The following TXNRD1 variants were observed in gnomAD, a reference collection of about 807,000 sequenced individuals.
TXNRD1 encodes thioredoxin reductase 1, cytoplasmic.
A neutral mutation model predicts 80.3 loss-of-function variants in TXNRD1; 57 were observed. That is an observed-to-expected ratio of 0.71 (90% CI 0.57 to 0.89). The LOEUF (loss-of-function observed/expected upper bound fraction) is 0.89. Ranked by LOEUF, TXNRD1 falls within the 40% of genes least tolerant of loss-of-function variation. The probability of loss-of-function intolerance (pLI) is 0.00; values close to 1 mark genes in which losing one functional copy is unlikely to be tolerated. For synonymous variants in TXNRD1, 291 were observed against 285.2 expected, an observed-to-expected ratio of 1.02 and a Z score of -0.20; for missense variants, 730 against 803.0, an observed-to-expected ratio of 0.91 and a Z score of 1.10.
chr12:104,335,288 G>T (rs369720727), intron 15 of TXNRD1, among the ~76,000 whole-genome samples: 1 of 145,914 alleles, frequency 6.9e-6, no homozygotes, highest in African/African-American at 2.6e-5. Flanking sequence ...TGCAACCTTC[G>T]CCTCCCAGGT....
At chr12:104,307,774 A>G (rs1292488723) in intron 4 of TXNRD1, among the ~76,000 whole-genome samples, 1 of 152,132 alleles carries the variant, frequency 6.6e-6, no homozygotes, top group Non-Finnish European at 1.5e-5. Context: ...GGGAGCCTGG[A>G]GCAGTGTTTT....
At chr12:104,294,891 AACT>A (rs1204468837) in intron 4 of TXNRD1, among the ~76,000 whole-genome samples, 1 of 152,236 alleles carries the variant, frequency 6.6e-6, no homozygotes, top group East Asian at 1.9e-4. Context: ...AACTATTCTT[AACT>A]GCAGAGGCTA....
intron 3 of TXNRD1, among the ~76,000 whole-genome samples, chr12:104,263,524 G>A (rs946655212): frequency 6.6e-6 from 1 of 152,198 alleles, no homozygotes; most frequent in African/African-American, 2.4e-5. Flanking sequence ...GGCTATCCCT[G>A]TGGATGAGCT....
intron 1 of TXNRD1, among the ~76,000 whole-genome samples, chr12:104,247,045 TATC>T (rs2033010227): frequency 6.6e-6 from 1 of 151,308 alleles, no homozygotes; most frequent in Non-Finnish European, 1.5e-5. Flanking sequence ...GAAAGCAACT[TATC>T]ATTACAGTTT....
At chr12:104,254,644 A>ATATATATATATATATAT (rs1555207848) in intron 2 of TXNRD1, among the ~76,000 whole-genome samples, 16 of 93,638 alleles carry the variant, frequency 1.7e-4, no homozygotes, top group African/African-American at 6.7e-4. Context: ...AAAAAAAAAA[A>ATATATATATATATATAT]ATATATATAT....
chr12:104,267,721 C>CTTTCTTTCTTTCTTTCTTTCTTTT (rs1555209319), intron 3 of TXNRD1, among the ~76,000 whole-genome samples: 1 of 84,700 alleles, frequency 1.2e-5, no homozygotes, highest in Admixed American at 1.5e-4. Context: ...TTCTTTCTTT[C>CTTTCTTTCTTTCTTTCTTTCTTTT]TCTTTCTTTC....
intron 3 of TXNRD1, among the ~76,000 whole-genome samples, chr12:104,267,695 TTCTTTCTCTCTTTC>T (rs879440556): frequency 5.5e-4 from 19 of 34,600 alleles, no homozygotes; most frequent in Non-Finnish European, 1.1e-3. Flanking sequence ...CTTTCTTTCT[TTCTTTCTCTCTTTC>T]TTTCTTTCTT....
At position 104,337,655 on chromosome 12, in the gene TXNRD1, G is replaced by A. The variant is rs547719077; in HGVS notation, c.1747-1484G>A. Among the ~76,000 whole-genome samples, 119 of 151,834 alleles carry A rather than the reference G, an allele frequency of 7.8e-4. 1 individual carries two copies. The highest frequency in any genetic ancestry group is 2.8e-3 in the African/African-American group (117 of 41,438). On this transcript the variant is annotated intron_variant, in intron 15 of 16. Transcript: ENST00000525566. ...GTGAACTGCTTAAGCTCACAAGTTCGGGACCAGCCTAGACAACATGGCAAA... is the reference window on the plus strand; with the variant it reads ...GTGAACTGCTTAAGCTCACAAGTTCAGGACCAGCCTAGACAACATGGCAAA...
rs1565870148 is a variant in TXNRD1, at chr12:104,267,677, C to CTTTCTTTG, written c.304+9605_304+9606insGTTTCTTT. On this transcript the variant is annotated intron_variant, in intron 3 of 16. Transcript: ENST00000525566. ...TCTTTCTTTCTTTCTTTCTTTCTTT[C>CTTTCTTTG]TTTCTTTCTTTCTTTCTTTCTTTCT... is the stretch of plus-strand genomic sequence containing the variant. Among the ~76,000 whole-genome samples, 128 of 49,410 alleles carry CTTTCTTTG rather than the reference C, an allele frequency of 2.6e-3. 4 individuals carry two copies. The highest frequency in any genetic ancestry group is 5.9e-3 in the Admixed American group (25 of 4,214). 32.4% of individuals were successfully genotyped at this position (49,410 alleles called of 152,430 possible). A position where few individuals can be genotyped will look rare whatever the true frequency, so the allele number is the denominator to read the frequency against.
rs534417916 is a variant in TXNRD1 at position 104,288,736 on chromosome 12, G to T, written c.305-195G>T. ...TTCAGCCAGTGTGCGGATTTGCCGG[G>T]GTCAGACTCCAAGCTTGATTGTGAG... On this transcript the variant is annotated intron_variant, in intron 3 of 16. Coordinates refer to ENST00000525566, the MANE Select transcript of TXNRD1 (RefSeq NM_001093771.3). The T allele has an allele frequency of 1.1e-4, 153 of 1,448,000 alleles. 3 individuals carry two copies. The South Asian group carries it at 2.0e-3, about 19-fold the overall frequency. 89.7% of individuals were successfully genotyped at this position (1,448,000 alleles called of 1,614,324 possible).
At chr12:104,314,181 T>C (rs35709334) in intron 6 of TXNRD1, among the ~76,000 whole-genome samples, 1 of 152,316 alleles carries the variant, frequency 6.6e-6, no homozygotes, top group East Asian at 1.9e-4. Context: ...GAGGGCTTTG[T>C]AGGCCAAGAT....
intron 2 of TXNRD1, among the ~76,000 whole-genome samples, chr12:104,256,133 A>T (rs1407323661): frequency 6.6e-6 from 1 of 152,144 alleles, no homozygotes; most frequent in Non-Finnish European, 1.5e-5. Flanking sequence ...TCATTTAACA[A>T]CTGGGATATG....
At chr12:104,260,342 C>T (rs1273024859) in intron 3 of TXNRD1, among the ~76,000 whole-genome samples, 1 of 152,200 alleles carries the variant, frequency 6.6e-6, no homozygotes, top group Non-Finnish European at 1.5e-5. Context: ...TGGCTCATGC[C>T]TGTAATCCCA....
chr12:104,294,242 C>A lies in TXNRD1; in HGVS notation c.414+5202C>A, dbSNP rs867811948. On this transcript the variant is annotated intron_variant, in intron 4 of 16. Coordinates refer to ENST00000525566, the MANE Select transcript of TXNRD1 (RefSeq NM_001093771.3). Reference sequence around the variant, plus strand: ...ACTCCCCCGGGGAAAGGCCCCCCCCCCCGCCGCCGGCTTTCCCGGTCTGCT... The same window carrying A: ...ACTCCCCCGGGGAAAGGCCCCCCCCACCGCCGCCGGCTTTCCCGGTCTGCT... Among the ~76,000 whole-genome samples, 9 of 119,144 alleles carry A rather than the reference C, an allele frequency of 7.6e-5. 1 individual carries two copies. The highest frequency in any genetic ancestry group is 9.5e-5 in the African/African-American group (3 of 31,594). The allele number at this position is 119,144 out of a possible 152,430, so 78.2% of individuals were successfully genotyped here. A position where few individuals can be genotyped will look rare whatever the true frequency, so the allele number is the denominator to read the frequency against.
intron 4 of TXNRD1, among the ~76,000 whole-genome samples, chr12:104,294,839 C>T (rs2034385206): frequency 6.6e-6 from 1 of 152,230 alleles, no homozygotes; most frequent in African/African-American, 2.4e-5. Flanking sequence ...GACATCAGGA[C>T]ATGAGTGGTA....
At chr12:104,224,853 TC>T (rs1282317812) in intron 1 of TXNRD1, 6 of 456,582 alleles carry the variant, frequency 1.3e-5, no homozygotes, top group African/African-American at 2.0e-5. Context: ...TTTATCTACC[TC>T]TCTGCCCCTG....
At chr12:104,335,937 T>C (rs909673503) in intron 15 of TXNRD1, among the ~76,000 whole-genome samples, 11 of 152,212 alleles carry the variant, frequency 7.2e-5, no homozygotes, top group African/African-American at 2.4e-4. Context: ...AAGATTCAAA[T>C]GAATATACTA....
intron 15 of TXNRD1, 99 bp from the exon 16 acceptor site, chr12:104,339,040 A>G (rs200018574): frequency 6.7e-7 from 1 of 1,487,536 alleles, no homozygotes; most frequent in Non-Finnish European, 9.0e-7. Flanking sequence ...TTTGAGTTGG[A>G]TTTTTAAGAA....
chr12:104,277,235 C>CAAAA (rs569575459), intron 3 of TXNRD1, among the ~76,000 whole-genome samples: 14 of 141,682 alleles, frequency 9.9e-5, no homozygotes, highest in African/African-American at 2.6e-4. Flanking sequence ...ACTAAAAATA[C>CAAAA]AAAAAAAAAA....
Sources: gnomAD v4.1 joint callset for allele counts (sites outside exome capture counted in the v4.1 genomes callset) on GRCh38, gnomAD v4.1.1 for gene constraint, MANE v1.5 for transcripts, NCBI Gene and HGNC (gene_info 2026-07-23, HGNC 2026-07-21) for gene names.